ST3GAL3: variants seen among roughly 807,000 people sequenced by gnomAD.
ST3GAL3 encodes the protein ST3 beta-galactoside alpha-2,3-sialyltransferase 3.
Under a neutral mutation model 50.1 loss-of-function variants are expected in ST3GAL3, and 21 were observed. The observed-to-expected ratio is 0.42, with a 90% CI of 0.30 to 0.60. The LOEUF is 0.60. Among genes scored for constraint, ST3GAL3 ranks in the 20% least tolerant of loss-of-function variants. The pLI is 0.19. For missense variants in ST3GAL3, 353 were observed against 489.4 expected, an observed-to-expected ratio of 0.72 and a Z score of 2.63; for synonymous variants, 183 against 190.0, an observed-to-expected ratio of 0.96 and a Z score of 0.30.
intron 9 of ST3GAL3, among the ~76,000 whole-genome samples, chr1:43,902,679 G>T (rs1013180599): frequency 6.6e-6 from 1 of 152,232 alleles, no homozygotes; most frequent in Non-Finnish European, 1.5e-5. Flanking sequence ...AAGAGCACCA[G>T]CGGATGGGCA....
intron 11 of ST3GAL3, among the ~76,000 whole-genome samples, chr1:43,929,298 G>C (rs2084607954): frequency 7.6e-6 from 1 of 132,416 alleles, no homozygotes; most frequent in Non-Finnish European, 1.6e-5. Context: ...TAAAAAATTA[G>C]TTTTAATTAT....
rs1290478466 is a variant in ST3GAL3, at chr1:43,743,702, C to T, written c.118+7322C>T. Reference sequence around the variant, plus strand: ...ACCATTGCCATGTTCCAGTAGCAGACAGGTGTCTACTACAAAGGAACCTGC... The same window carrying T: ...ACCATTGCCATGTTCCAGTAGCAGATAGGTGTCTACTACAAAGGAACCTGC... On this transcript the variant is annotated intron_variant, in intron 2 of 11. Coordinates refer to ENST00000347631, the MANE Select transcript of ST3GAL3 (RefSeq NM_006279.5). 4 of 236,098 alleles carry T rather than the reference C, an allele frequency of 1.7e-5. No individual in the cohort carries two copies. In the South Asian group the frequency reaches 2.0e-4, roughly 12 times the overall value. The allele number at this position is 236,098 out of a possible 1,614,324, so 14.6% of individuals were successfully genotyped here.
intron 2 of ST3GAL3, among the ~76,000 whole-genome samples, chr1:43,771,184 A>C (rs925373570): frequency 1.3e-5 from 2 of 152,176 alleles, no homozygotes; most frequent in African/African-American, 4.8e-5. Context: ...AAACATGCTT[A>C]TTGACATGTA....
intron 5 of ST3GAL3, chr1:43,838,568 G>T (rs942652141): frequency 2.3e-6 from 1 of 439,542 alleles, no homozygotes; most frequent in Non-Finnish European, 4.3e-6. Flanking sequence ...CATGGTTGCC[G>T]CATGCAAGCC....
chr1:43,877,518 G>C (rs1037398129), intron 5 of ST3GAL3, among the ~76,000 whole-genome samples: 5 of 152,168 alleles, frequency 3.3e-5, no homozygotes, highest in African/African-American at 1.2e-4. Flanking sequence ...AATAGGTTTA[G>C]GGGAAGATAA....
intron 2 of ST3GAL3, among the ~76,000 whole-genome samples, chr1:43,779,114 G>A (rs1209485370): frequency 6.6e-6 from 1 of 150,920 alleles, no homozygotes; most frequent in African/African-American, 2.4e-5. Flanking sequence ...GCTAATTTTT[G>A]TATATTTGGT....
intron 4 of ST3GAL3, among the ~76,000 whole-genome samples, chr1:43,824,399 G>T (rs1323703062): frequency 6.6e-6 from 1 of 151,908 alleles, no homozygotes; most frequent in African/African-American, 2.4e-5. Context: ...TGTGTGTGTG[G>T]TGGGAGGGAT....
In ST3GAL3 at chr1:43,759,146, CAATA is replaced by C. The variant is rs200045589; in HGVS notation, c.118+22769_118+22772del. Among the ~76,000 whole-genome samples the C allele has an allele frequency of 5.3e-3, 788 of 149,554 alleles. 16 individuals are homozygous for C. Among genetic ancestry groups the C allele is most frequent in the African/African-American group, 0.018 (732 of 40,272 alleles). On this transcript the variant is annotated intron_variant, in intron 2 of 11. Coordinates refer to ENST00000347631, the MANE Select transcript of ST3GAL3 (RefSeq NM_006279.5). Reference sequence around the variant, plus strand: ...AGTGATGAAAAAAAGGCATGAAACTCAATAAAAGAAAAAACTAGGCTGGGCGTGG... The same window carrying C: ...AGTGATGAAAAAAAGGCATGAAACTCAAAGAAAAAACTAGGCTGGGCGTGG...
intron 11 of ST3GAL3, among the ~76,000 whole-genome samples, chr1:43,929,310 A>T (rs548144176): frequency 0.011 from 873 of 76,642 alleles, 11 homozygotes; most frequent in African/African-American, 0.026. Context: ...TTTAATTATT[A>T]TTTTTTTTTT....
intron 4 of ST3GAL3, among the ~76,000 whole-genome samples, chr1:43,818,622 G>C (rs2061702776): frequency 6.6e-6 from 1 of 152,146 alleles, no homozygotes; most frequent in Non-Finnish European, 1.5e-5. Context: ...ACTGGTAACA[G>C]AGGAGTACTC....
At chr1:43,817,779 CCTTCTT>C in intron 4 of ST3GAL3, among the ~76,000 whole-genome samples, 1 of 40,632 alleles carries the variant, frequency 2.5e-5, no homozygotes, top group African/African-American at 6.2e-5. Flanking sequence ...TTCTTCTCCT[CCTTCTT>C]CTCCTCCTCC....
At chr1:43,740,182 T>TG (rs1481673296) in intron 2 of ST3GAL3, among the ~76,000 whole-genome samples, 2 of 151,864 alleles carry the variant, frequency 1.3e-5, no homozygotes, top group East Asian at 3.9e-4. Flanking sequence ...GCTAACATGG[T>TG]GAAACCCCGT....
At chr1:43,914,907 C>G (rs545589736) in intron 9 of ST3GAL3, among the ~76,000 whole-genome samples, 1 of 152,172 alleles carries the variant, frequency 6.6e-6, no homozygotes, top group Non-Finnish European at 1.5e-5. Context: ...CTCAGCTATG[C>G]CTAAGGTCTT....
chr1:43,877,696 TG>T (rs1421037004), intron 5 of ST3GAL3, among the ~76,000 whole-genome samples: 4 of 152,186 alleles, frequency 2.6e-5, no homozygotes, highest in Non-Finnish European at 5.9e-5. Flanking sequence ...ATCTGGAACT[TG>T]AACCCTCCTG....
At chr1:43,880,843 A>G (rs1234468828) in intron 5 of ST3GAL3, among the ~76,000 whole-genome samples, 2 of 152,218 alleles carry the variant, frequency 1.3e-5, no homozygotes, top group Non-Finnish European at 2.9e-5. Context: ...GTGAGATTAA[A>G]TACGAAAATG....
intron 11 of ST3GAL3, chr1:43,922,496 C>G (rs1044917965): frequency 6.8e-6 from 1 of 148,072 alleles, no homozygotes; most frequent in Non-Finnish European, 1.5e-5. Flanking sequence ...AATGAGACTC[C>G]GTCTCAAAAA....
chr1:43,746,954 C>T (rs1388053843), intron 2 of ST3GAL3, among the ~76,000 whole-genome samples: 3 of 149,398 alleles, frequency 2.0e-5, no homozygotes, highest in Admixed American at 6.7e-5. Flanking sequence ...TTAGTAGAGA[C>T]GGGGTTTCAC....
At chr1:43,878,500 G>A (rs144767476) in intron 5 of ST3GAL3, among the ~76,000 whole-genome samples, 204 of 152,254 alleles carry the variant, frequency 1.3e-3, no homozygotes, top group African/African-American at 4.4e-3. Context: ...GGAAGGAGGC[G>A]AGGAATGAGC....
At chr1:43,766,338 G>A (rs1692955926) in intron 2 of ST3GAL3, among the ~76,000 whole-genome samples, 1 of 152,070 alleles carries the variant, frequency 6.6e-6, no homozygotes. Context: ...TGAAAGCTGA[G>A]ACTCACAGGA....
Sources: allele counts gnomAD v4.1 joint callset (sites outside exome capture counted in the v4.1 genomes callset), GRCh38; gene constraint gnomAD v4.1.1; transcripts MANE v1.5; gene names NCBI Gene and HGNC (gene_info 2026-07-23, HGNC 2026-07-21).